Variants in CSRNP3 observed in about 807,000 individuals in gnomAD.
CSRNP3 encodes the protein cysteine and serine rich nuclear protein 3.
A neutral mutation model predicts 48.0 loss-of-function variants in CSRNP3; 12 were observed. The ratio of observed to expected loss-of-function variants is 0.25; its 90% confidence interval spans 0.16 to 0.41. The LOEUF (loss-of-function observed/expected upper bound fraction) is 0.41, where lower values mean the gene tolerates loss of function less well. Ranked by LOEUF, CSRNP3 falls within the 10% of genes least tolerant of loss-of-function variation. CSRNP3 has a pLI of 1.00. For synonymous variants in CSRNP3, 263 were observed against 269.7 expected, an observed-to-expected ratio of 0.98 and a Z score of 0.24; for missense variants, 580 against 724.4, an observed-to-expected ratio of 0.80 and a Z score of 2.29.
chr2:165,631,937 G>A (rs1216565272), intron 4 of CSRNP3, among the ~76,000 whole-genome samples: 1 of 152,164 alleles, frequency 6.6e-6, no homozygotes, highest in African/African-American at 2.4e-5. Flanking sequence ...TTAATATCTG[G>A]CAATCAAATA....
chr2:165,572,980 T>C (rs1685395226), intron 3 of CSRNP3, among the ~76,000 whole-genome samples: 1 of 152,152 alleles, frequency 6.6e-6, no homozygotes, highest in African/African-American at 2.4e-5. Flanking sequence ...TTACATGTCT[T>C]ATAAATTAGA....
chr2:165,543,001 A>G (rs1684978841), intron 3 of CSRNP3, among the ~76,000 whole-genome samples: 1 of 152,150 alleles, frequency 6.6e-6, no homozygotes, highest in Admixed American at 6.5e-5. Context: ...TAGATCAAGC[A>G]AGTAGTTGGC....
intron 4 of CSRNP3, among the ~76,000 whole-genome samples, chr2:165,617,961 G>A (rs1294471419): frequency 6.6e-6 from 1 of 152,218 alleles, no homozygotes; most frequent in Non-Finnish European, 1.5e-5. Flanking sequence ...ATGTCAACAT[G>A]CAGCGGTTAT....
intron 2 of CSRNP3, among the ~76,000 whole-genome samples, chr2:165,497,564 T>A (rs1684300348): frequency 6.6e-6 from 1 of 152,098 alleles, no homozygotes; most frequent in Non-Finnish European, 1.5e-5. Flanking sequence ...AAAACCCATG[T>A]TAGTGTTTTT....
In CSRNP3 at chr2:165,554,174, C is replaced by T. The variant is rs148170932; in HGVS notation, c.-24+36213C>T. Among the ~76,000 whole-genome samples the T allele has an allele frequency of 2.6e-3, 389 of 152,260 alleles. 15 individuals carry two copies. In the East Asian group the frequency reaches 0.062, roughly 24 times the overall value. ...CCTCATTTTTTTAAGATGCTCTTTG[C>T]TGCCAGGAAACCACACTCCTGTTTT... On this transcript the variant is annotated intron_variant, in intron 3 of 6. Transcript: ENST00000651982.
intron 3 of CSRNP3, among the ~76,000 whole-genome samples, chr2:165,558,553 G>A (rs947390624): frequency 2.6e-5 from 4 of 152,066 alleles, no homozygotes; most frequent in Non-Finnish European, 5.9e-5. Context: ...TCATTCCACT[G>A]TTAAACAAGG....
chr2:165,519,144 G>C (rs1684618193), intron 3 of CSRNP3, among the ~76,000 whole-genome samples: 1 of 151,674 alleles, frequency 6.6e-6, no homozygotes, highest in African/African-American at 2.4e-5. Context: ...ATTAGCTCTT[G>C]AAGTATAAAA....
At position 165,681,175 on chromosome 2, in the gene CSRNP3, TA is replaced by T. The variant is rs1687530849; in HGVS notation, c.*1425del. 1 of 152,184 alleles carries T rather than the reference TA, an allele frequency of 6.6e-6. No individual in the cohort carries two copies. Among genetic ancestry groups the T allele is most frequent in the Admixed American group, 6.5e-5 (1 of 15,276 alleles). The allele number at this position is 152,184 out of a possible 1,614,324, so 9.4% of individuals were successfully genotyped here. On this transcript the variant is annotated 3_prime_UTR_variant, in exon 7 of 7. Coordinates refer to ENST00000651982, the MANE Select transcript of CSRNP3 (RefSeq NM_001172173.2). ...GGACTTCTAGGATCCCGTTTCCCTG[TA>T]AATTAATTTAGGTAACTAAATAGTG...
chr2:165,681,799 ATGTATG>A lies in CSRNP3; in HGVS notation c.*2050_*2055del, dbSNP rs1233013136. 4.6e-5 allele frequency: 6 copies of A among 129,428 alleles called. No homozygotes were observed. Among genetic ancestry groups the A allele is most frequent in the South Asian group, 4.9e-4 (2 of 4,108 alleles). The allele number at this position is 129,428 out of a possible 1,614,324, so 8.0% of individuals were successfully genotyped here. ...CACATACACATATATATACACATAT[ATGTATG>A]TGTGTGTGTGTGTGTGTGTGTGTGT... On this transcript the variant is annotated 3_prime_UTR_variant, in exon 7 of 7. Coordinates refer to ENST00000651982, the MANE Select transcript of CSRNP3 (RefSeq NM_001172173.2).
At chr2:165,520,782 A>T (rs868494266) in intron 3 of CSRNP3, among the ~76,000 whole-genome samples, 74 of 9,728 alleles carry the variant, frequency 7.6e-3, no homozygotes, top group African/African-American at 0.04. Context: ...ATATATATAT[A>T]TTATATATAT....
rs572662265 is a variant in CSRNP3 at position 165,476,444 on chromosome 2, T to C, written c.-283+6704T>C. ...CAAAAGAATAACGAATGAAATATCC[T>C]GATGAATTTAAACTGAAGGAAAAGG... On this transcript the variant is annotated intron_variant, in intron 1 of 6. Coordinates refer to ENST00000651982, the MANE Select transcript of CSRNP3 (RefSeq NM_001172173.2). 3.3e-5 allele frequency among the ~76,000 whole-genome samples: 5 copies of C among 152,360 alleles called. No individual in the cohort carries two copies. The South Asian group carries it at 1.0e-3, about 32-fold the overall frequency.
At chr2:165,487,641 C>G (rs1438879599) in intron 1 of CSRNP3, among the ~76,000 whole-genome samples, 1 of 143,276 alleles carries the variant, frequency 7.0e-6, no homozygotes, top group African/African-American at 2.7e-5. Flanking sequence ...GGCCAATATT[C>G]AACATTCTTA....
chr2:165,600,686 G>T (rs1390774585), intron 4 of CSRNP3, among the ~76,000 whole-genome samples: 2 of 152,216 alleles, frequency 1.3e-5, no homozygotes, highest in Non-Finnish European at 2.9e-5. Context: ...GATGGCCAGT[G>T]ATGGTGAGCA....
chr2:165,528,802 C>T (rs538828025), intron 3 of CSRNP3, among the ~76,000 whole-genome samples: 240 of 152,290 alleles, frequency 1.6e-3, no homozygotes, highest in African/African-American at 4.4e-3. Context: ...GCTATCATGC[C>T]GGCTGCAGCA....
intron 2 of CSRNP3, among the ~76,000 whole-genome samples, chr2:165,501,831 A>C (rs1684363323): frequency 6.6e-6 from 1 of 152,060 alleles, no homozygotes. Context: ...GATTTATTGA[A>C]AAAAAGTTTT....
At chr2:165,506,769 CT>C (rs1443380290) in intron 2 of CSRNP3, among the ~76,000 whole-genome samples, 1 of 152,154 alleles carries the variant, frequency 6.6e-6, no homozygotes, top group Non-Finnish European at 1.5e-5. Context: ...ACTCTATTTT[CT>C]AAACTGGAAC....
chr2:165,487,724 A>G (rs1478108756), intron 1 of CSRNP3, among the ~76,000 whole-genome samples: 1 of 149,510 alleles, frequency 6.7e-6, no homozygotes, highest in Non-Finnish European at 1.5e-5. Context: ...GAAATAAAAT[A>G]CTTTACAGAC....
chr2:165,539,036 C>T (rs1330807549), intron 3 of CSRNP3, among the ~76,000 whole-genome samples: 2 of 151,808 alleles, frequency 1.3e-5, no homozygotes, highest in African/African-American at 2.4e-5. Context: ...TGAAAAAGTA[C>T]GATGTTATTT....
rs545497863 is a variant in CSRNP3, at chr2:165,569,924, CCTAT to C, written c.-23-25115_-23-25112del. On this transcript the variant is annotated intron_variant, in intron 3 of 6. Transcript: ENST00000651982. ...AAAATCACCTCTTACTTCCAAAAAT[CCTAT>C]CTACTTATTATACTTGTTTGTCTGT... 1.9e-3 allele frequency among the ~76,000 whole-genome samples: 284 copies of C among 151,810 alleles called. 1 individual carries two copies. Among genetic ancestry groups the C allele is most frequent in the Admixed American group, 4.9e-3 (75 of 15,212 alleles).
Sources: allele counts gnomAD v4.1 joint callset (sites outside exome capture counted in the v4.1 genomes callset), GRCh38; gene constraint gnomAD v4.1.1; transcripts MANE v1.5; gene names NCBI Gene and HGNC (gene_info 2026-07-23, HGNC 2026-07-21).